Variants in LRBA observed in about 807,000 individuals in gnomAD.
LRBA encodes lipopolysaccharide-responsive and beige-like anchor protein.
LRBA carries 176 observed loss-of-function variants against 330.0 expected under a neutral mutation model. That is an observed-to-expected ratio of 0.53 (90% CI 0.47 to 0.60). The LOEUF (loss-of-function observed/expected upper bound fraction) is 0.60. Ranked by LOEUF, LRBA falls within the 20% of genes least tolerant of loss-of-function variation. The pLI, the probability that LRBA is intolerant of heterozygous loss-of-function variation, is 0.00. For missense variants in LRBA, 3,259 were observed against 3,444.8 expected, an observed-to-expected ratio of 0.95 and a Z score of 1.35; for synonymous variants, 1,230 against 1,193.0, an observed-to-expected ratio of 1.03 and a Z score of -0.64.
At chr4:150,586,233 G>T (rs746992479) in intron 40 of LRBA, among the ~76,000 whole-genome samples, 69 of 152,092 alleles carry the variant, frequency 4.5e-4, no homozygotes, top group Non-Finnish European at 7.2e-4. Flanking sequence ...AAGATAAAAA[G>T]AATATCTATA....
chr4:150,994,854 G>A (rs1742467474), intron 2 of LRBA, among the ~76,000 whole-genome samples: 1 of 152,186 alleles, frequency 6.6e-6, no homozygotes, highest in Admixed American at 6.5e-5. Flanking sequence ...ATGAGTGGCT[G>A]AGCTGAAAGA....
intron 17 of LRBA, among the ~76,000 whole-genome samples, chr4:150,886,731 C>T (rs1728979869): frequency 6.6e-6 from 1 of 152,156 alleles, no homozygotes; most frequent in Non-Finnish European, 1.5e-5. Flanking sequence ...AACAACAAAA[C>T]ATGTGTTAGA....
intron 35 of LRBA, among the ~76,000 whole-genome samples, chr4:150,737,916 C>T (rs1048896902): frequency 4.0e-5 from 6 of 151,800 alleles, no homozygotes; most frequent in African/African-American, 1.5e-4. Context: ...CACTTTTACC[C>T]TATTAAAATG....
At chr4:150,615,263 G>T (rs1417289721) in intron 37 of LRBA, among the ~76,000 whole-genome samples, 1 of 152,148 alleles carries the variant, frequency 6.6e-6, no homozygotes, top group Non-Finnish European at 1.5e-5. Context: ...GTTATAACAA[G>T]AATTTGACTT....
At chr4:150,630,714 A>G (rs1022353091) in intron 37 of LRBA, among the ~76,000 whole-genome samples, 1 of 152,182 alleles carries the variant, frequency 6.6e-6, no homozygotes, top group African/African-American at 2.4e-5. Flanking sequence ...CAAATTTGCT[A>G]AACTTTTCTG....
chr4:150,664,151 G>C (rs1475219548), intron 37 of LRBA, among the ~76,000 whole-genome samples: 1 of 152,138 alleles, frequency 6.6e-6, no homozygotes, highest in African/African-American at 2.4e-5. Context: ...TACTAGGAAG[G>C]CTGCAATAGC....
intron 35 of LRBA, among the ~76,000 whole-genome samples, chr4:150,754,521 C>CA (rs755838647): frequency 0.35 from 29,900 of 85,976 alleles, 6,012 homozygotes; most frequent in Non-Finnish European, 0.4. Flanking sequence ...CCTGTCTCAC[C>CA]AAAAAAAAAA....
chr4:150,645,111 G>GT (rs1264478028), intron 37 of LRBA, among the ~76,000 whole-genome samples: 9 of 140,904 alleles, frequency 6.4e-5, no homozygotes, highest in Admixed American at 2.2e-4. Flanking sequence ...TCAAAAAAAA[G>GT]TTTTTTTTTC....
intron 40 of LRBA, among the ~76,000 whole-genome samples, chr4:150,504,963 T>A (rs1269976890): frequency 6.6e-6 from 1 of 151,784 alleles, no homozygotes; most frequent in Admixed American, 6.6e-5. Flanking sequence ...CCAACAAAGA[T>A]CAAAGGAGAC....
chr4:150,554,166 C>G (rs1363484295), intron 40 of LRBA, among the ~76,000 whole-genome samples: 4 of 152,174 alleles, frequency 2.6e-5, no homozygotes, highest in Non-Finnish European at 5.9e-5. Flanking sequence ...AGCCTCCTCT[C>G]CTTTCTGCCT....
chr4:150,717,208 G>A (rs1728314215), intron 36 of LRBA, among the ~76,000 whole-genome samples: 1 of 152,108 alleles, frequency 6.6e-6, no homozygotes, highest in Non-Finnish European at 1.5e-5. Context: ...TCAGAGGACT[G>A]TTATGATAAT....
chr4:150,438,309 C>G (rs572290166), intron 44 of LRBA, among the ~76,000 whole-genome samples: 1 of 152,196 alleles, frequency 6.6e-6, no homozygotes, highest in South Asian at 2.1e-4. Flanking sequence ...TAGTGAGACC[C>G]TGTTTCTACA....
At chr4:150,578,110 G>A (rs140619153) in intron 40 of LRBA, among the ~76,000 whole-genome samples, 47 of 152,282 alleles carry the variant, frequency 3.1e-4, no homozygotes, top group African/African-American at 1.0e-3. Flanking sequence ...AAGCACTTAA[G>A]CTCAAGCTCA....
rs534573344 is a variant in LRBA at position 150,775,708 on chromosome 4, T to C, written c.5581-13861A>G. ...TAACCACTTTTTCCAATGCGTTTTA[T>C]GATTACAGAGAAAAATTTAAAGATC... On this transcript the variant is annotated intron_variant, in intron 34 of 56. Coordinates refer to ENST00000651943, the MANE Select transcript of LRBA (RefSeq NM_001364905.1). Among the ~76,000 whole-genome samples the C allele has an allele frequency of 2.0e-5, 3 of 150,098 alleles. No individual in the cohort carries two copies. The South Asian group carries it at 6.3e-4, about 31-fold the overall frequency.
In LRBA at chr4:150,661,249, T is replaced by A. The variant is rs541917669; in HGVS notation, c.5921+22302A>T. Among the ~76,000 whole-genome samples, 3 of 151,728 alleles carry A rather than the reference T, an allele frequency of 2.0e-5. No homozygotes were observed. The South Asian group carries it at 6.2e-4, about 32-fold the overall frequency. On this transcript the variant is annotated intron_variant, in intron 37 of 56. Transcript: ENST00000651943. ...AATTTGGGAGGCTGAGGCGGGTCAA[T>A]CACCTGAGGTCAGGAGTTCATGACC... is the stretch of plus-strand genomic sequence containing the variant.
intron 22 of LRBA, among the ~76,000 whole-genome samples, chr4:150,861,091 A>G (rs1031104164): frequency 1.3e-5 from 2 of 152,010 alleles, no homozygotes; most frequent in Non-Finnish European, 2.9e-5. Flanking sequence ...TATTTTTTTT[A>G]ATGTTTTAAT....
At chr4:150,810,558 A>T (rs1743574188) in intron 31 of LRBA, among the ~76,000 whole-genome samples, 1 of 152,186 alleles carries the variant, frequency 6.6e-6, no homozygotes, top group Non-Finnish European at 1.5e-5. Flanking sequence ...GGATTCGTTT[A>T]AAAATGAAGC....
intron 40 of LRBA, among the ~76,000 whole-genome samples, chr4:150,492,041 G>A (rs1368012159): frequency 6.6e-6 from 1 of 151,812 alleles, no homozygotes; most frequent in African/African-American, 2.4e-5. Context: ...AATAAAGATG[G>A]GATGAGCAAA....
At chr4:150,851,850 C>A in intron 23 of LRBA, 35 bp downstream of exon 23, 1 of 1,533,830 alleles carries the variant, frequency 6.5e-7, no homozygotes, top group Non-Finnish European at 8.8e-7. Context: ...TAACTCAGTG[C>A]AAAAGTACTT....
Sources: gnomAD v4.1 joint callset for allele counts (sites outside exome capture counted in the v4.1 genomes callset) on GRCh38, gnomAD v4.1.1 for gene constraint, MANE v1.5 for transcripts, NCBI Gene and HGNC (gene_info 2026-07-23, HGNC 2026-07-21) for gene names.